HARS2: variants seen among roughly 807,000 people sequenced by gnomAD.
HARS2 encodes the protein histidyl-tRNA synthetase 2, mitochondrial.
A neutral mutation model predicts 62.4 loss-of-function variants in HARS2; 40 were observed. The observed-to-expected ratio is 0.64, with a 90% CI of 0.50 to 0.83. The LOEUF is 0.83. Among genes scored for constraint, HARS2 ranks in the 40% least tolerant of loss-of-function variants. The pLI is 0.00. For missense variants in HARS2, 569 were observed against 626.4 expected, an observed-to-expected ratio of 0.91 and a Z score of 0.98; for synonymous variants, 228 against 227.0, an observed-to-expected ratio of 1.00 and a Z score of -0.04.
At chr5:140,691,846 C>G in intron 1 of HARS2, 90 bp downstream of exon 1, 1 of 935,272 alleles carries the variant, frequency 1.1e-6, no homozygotes, top group Non-Finnish European at 1.7e-6. Context: ...AGTAGTGTTA[C>G]AATCGGTTTT....
At chr5:140,695,870 G>T (rs745826829) in intron 6 of HARS2, 25 bp downstream of exon 6, 1 of 1,527,164 alleles carries the variant, frequency 6.5e-7, no homozygotes, top group South Asian at 1.1e-5. Flanking sequence ...GAGAACTGTG[G>T]GAGAAGTCTG....
chr5:140,692,825 G>A (rs1262208634), intron 1 of HARS2, among the ~76,000 whole-genome samples: 4 of 151,868 alleles, frequency 2.6e-5, no homozygotes, highest in Non-Finnish European at 4.4e-5. Context: ...CCCGGGAGGC[G>A]GAGGTTGCAG....
At chr5:140,697,853 C>T in intron 11 of HARS2, 79 bp from the exon 12 acceptor site, 7 of 1,491,202 alleles carry the variant, frequency 4.7e-6, no homozygotes, top group Non-Finnish European at 5.6e-6. Flanking sequence ...TTATCTCTGG[C>T]TTTCTTGGAT....
rs1308818207 is a variant in HARS2, at chr5:140,691,660, C to G, written c.12C>G (p.Leu4=). 1.9e-6 allele frequency: 3 copies of G among 1,550,166 alleles called. No homozygotes were observed. Among genetic ancestry groups the G allele is most frequent in the Non-Finnish European group, 1.7e-6 (2 of 1,146,232 alleles). Reference sequence around the variant, plus strand: ...CGTCCTGCCGCGCGATGCCCCTGCTCGGACTTCTTCCCAGGAGGGCCTGGG... The same window carrying G: ...CGTCCTGCCGCGCGATGCCCCTGCTGGGACTTCTTCCCAGGAGGGCCTGGG... The part of the protein sequence containing the change: MPL[L]GLLPRRAWAS... Residue 4 remains leucine, a synonymous_variant, in exon 1 of 13, where the codon CTC becomes CTG. Coordinates refer to ENST00000230771, the MANE Select transcript of HARS2 (RefSeq NM_012208.4).
chr5:140,698,773 A>T lies in HARS2; in HGVS notation c.*221A>T. ...GCATGGGTGCAGATGGCTGGATGTGAAAGAGACATGCTCTAGCTGCAGAGG... is the reference window on the plus strand; with the variant it reads ...GCATGGGTGCAGATGGCTGGATGTGTAAGAGACATGCTCTAGCTGCAGAGG... On this transcript the variant is annotated 3_prime_UTR_variant, in exon 13 of 13. Transcript: ENST00000230771. The T allele has an allele frequency of 1.7e-6, 1 of 597,954 alleles. No individual in the cohort carries two copies. The allele number at this position is 597,954 out of a possible 1,614,324, so 37.0% of individuals were successfully genotyped here.
At chr5:140,693,753 C>G (rs1258557435) in intron 2 of HARS2, 88 bp downstream of exon 2, 1 of 1,280,926 alleles carries the variant, frequency 7.8e-7, no homozygotes, top group South Asian at 1.2e-5. Context: ...TTTTAATGTT[C>G]TTTACAGTAA....
chr5:140,694,804 G>A (rs915956157), intron 4 of HARS2, among the ~76,000 whole-genome samples: 11 of 152,208 alleles, frequency 7.2e-5, no homozygotes, highest in African/African-American at 2.7e-4. Context: ...AAGTTAGCTG[G>A]CTGTGGTGGC....
rs530630887 is a variant in HARS2 at position 140,697,024 on chromosome 5, T to C, written c.908T>C (p.Leu303Pro). ...NKQALEGLGD[L>P]KLLFEYLTLF... ...CAGGCCCTGGAGGGCCTGGGAGACCTAAAGCTGCTATTTGAATACCTGACT... is the reference window on the plus strand; with the variant it reads ...CAGGCCCTGGAGGGCCTGGGAGACCCAAAGCTGCTATTTGAATACCTGACT... Residue 303 changes from leucine (L) to proline (P), a missense_variant, in exon 9 of 13, where the codon CTA becomes CCA. Leu to Pro is a moderately conservative substitution (Grantham distance 98). Coordinates refer to ENST00000230771, the MANE Select transcript of HARS2 (RefSeq NM_012208.4). 1.2e-6 allele frequency: 2 copies of C among 1,614,166 alleles called. No individual in the cohort carries two copies. The highest frequency in any genetic ancestry group is 4.5e-5 in the East Asian group (2 of 44,892).
At chr5:140,695,477 G>T in intron 4 of HARS2, 31 bp from the exon 5 acceptor site, 1 of 1,613,382 alleles carries the variant, frequency 6.2e-7, no homozygotes, top group Non-Finnish European at 8.5e-7. Context: ...TTTGGATGCA[G>T]TATCCCTCTT....
chr5:140,696,828 CTTTTTTTTTT>C, intron 8 of HARS2, 105 bp from the exon 9 acceptor site: 3 of 656,002 alleles, frequency 4.6e-6, no homozygotes, highest in Middle Eastern at 4.7e-4. Flanking sequence ...AGACTGGGAT[CTTTTTTTTTT>C]TTTTTTTTTT....
chr5:140,695,546 G>A lies in HARS2; in HGVS notation c.438G>A (p.Lys146=). ...FARYLAMNKV[K]KMKRYHVGKV... is the part of the protein sequence containing the mutation. ...GTTATCTGGCCATGAATAAGGTGAA[G>A]AAGATGAAACGTTATCATGTTGGAA... Residue 146 remains lysine (K), a synonymous_variant, in exon 5 of 13, where the codon AAG becomes AAA. Coordinates refer to ENST00000230771, the MANE Select transcript of HARS2 (RefSeq NM_012208.4). The A allele has an allele frequency of 6.2e-7, 1 of 1,614,182 alleles. No individual in the cohort carries two copies. The highest frequency in any genetic ancestry group is 8.5e-7 in the Non-Finnish European group (1 of 1,180,016).
chr5:140,697,345 C>T lies in HARS2; in HGVS notation c.1136C>T (p.Pro379Leu), dbSNP rs775956020. ...TTTGACCCCAAGGGCCACAAGGTGC[C>T]ATGTGTGGGACTCAGCATTGGGGTT... ...GMFDPKGHKV[P>L]CVGLSIGVER... Residue 379 changes from proline (P) to leucine (L), a missense_variant, in exon 10 of 13, where the codon CCA becomes CTA. Transcript: ENST00000230771. 3 of 1,613,986 alleles carry T rather than the reference C, an allele frequency of 1.9e-6. No individual in the cohort carries two copies. The highest frequency in any genetic ancestry group is 2.5e-6 in the Non-Finnish European group (3 of 1,180,024).
Position 140,693,965 on chromosome 5 carries a change from G to A in HARS2, c.214G>A (p.Val72Ile), listed in dbSNP as rs1470721315. 6.2e-7 allele frequency: 1 copy of A among 1,613,756 alleles called. No individual in the cohort carries two copies. The highest frequency in any genetic ancestry group is 8.5e-7 in the Non-Finnish European group (1 of 1,179,796). The change falls in exon 3 of 13, where the codon GTT (valine) becomes ATT (isoleucine). Residue 72 changes from valine to isoleucine, a missense_variant. Coordinates refer to ENST00000230771, the MANE Select transcript of HARS2 (RefSeq NM_012208.4). ...GTRDLSPQHM[V>I]VREKILDLVI... is the part of the protein sequence containing the mutation. ...CAGGGATCTTAGTCCTCAGCATATGGTTGTGAGGGAGAAAATTCTTGATTT... is the reference window on the plus strand; with the variant it reads ...CAGGGATCTTAGTCCTCAGCATATGATTGTGAGGGAGAAAATTCTTGATTT...
At position 140,691,774 on chromosome 5, in the gene HARS2, A is replaced by C; in HGVS notation, c.108+18A>C. On this transcript the variant is annotated intron_variant, in intron 1 of 12. Coordinates refer to ENST00000230771, the MANE Select transcript of HARS2 (RefSeq NM_012208.4). ...AAAGCCAGGTGAGCGAGACAGAATT[A>C]TCTCTGGTCTGTCCCAGCAGGGTCT... 4.7e-6 allele frequency: 7 copies of C among 1,495,638 alleles called. No individual in the cohort carries two copies. The highest frequency in any genetic ancestry group is 6.4e-6 in the Non-Finnish European group (7 of 1,096,522). The allele number at this position is 1,495,638 out of a possible 1,614,324, so 92.6% of individuals were successfully genotyped here. A position where few individuals can be genotyped will look rare whatever the true frequency, so the allele number is the denominator to read the frequency against.
Position 140,691,648 on chromosome 5 carries a change from G to T in HARS2, c.-1G>T. The T allele has an allele frequency of 6.5e-7, 1 of 1,546,518 alleles. No individual in the cohort carries two copies. Among genetic ancestry groups the T allele is most frequent in the Non-Finnish European group, 8.7e-7 (1 of 1,143,082 alleles). ...CCGGAAAGCCGGCGTCCTGCCGCGC[G>T]ATGCCCCTGCTCGGACTTCTTCCCA... On this transcript the variant is annotated 5_prime_UTR_variant, in exon 1 of 13. Transcript: ENST00000230771.
rs1224117995 is a variant in HARS2, at chr5:140,691,598, C to G, written c.-51C>G. 8.1e-7 allele frequency: 1 copy of G among 1,233,518 alleles called. No homozygotes were observed. Among genetic ancestry groups the G allele is most frequent in the East Asian group, 2.5e-5 (1 of 39,506 alleles). 76.4% of individuals were successfully genotyped at this position (1,233,518 alleles called of 1,614,324 possible). On this transcript the variant is annotated 5_prime_UTR_variant, in exon 1 of 13. Coordinates refer to ENST00000230771, the MANE Select transcript of HARS2 (RefSeq NM_012208.4). ...ACCCTTCCTGGTGTCTGACCCGCCTCCTTCCCAGGCCTTTTGTTCCTGTCC... is the reference window on the plus strand; with the variant it reads ...ACCCTTCCTGGTGTCTGACCCGCCTGCTTCCCAGGCCTTTTGTTCCTGTCC...
At position 140,691,587 on chromosome 5, in the gene HARS2, C is replaced by T; in HGVS notation, c.-62C>T. On this transcript the variant is annotated 5_prime_UTR_variant, in exon 1 of 13. Transcript: ENST00000230771. ...CAGTGCCCTCCACCCTTCCTGGTGTCTGACCCGCCTCCTTCCCAGGCCTTT... is the reference window on the plus strand; with the variant it reads ...CAGTGCCCTCCACCCTTCCTGGTGTTTGACCCGCCTCCTTCCCAGGCCTTT... 1 of 1,137,458 alleles carries T rather than the reference C, an allele frequency of 8.8e-7. No individual in the cohort carries two copies. The highest frequency in any genetic ancestry group is 2.6e-5 in the East Asian group (1 of 39,136). The allele number at this position is 1,137,458 out of a possible 1,614,324, so 70.5% of individuals were successfully genotyped here. A position where few individuals can be genotyped will look rare whatever the true frequency, so the allele number is the denominator to read the frequency against.
At chr5:140,693,177 C>G (rs1759596281) in intron 1 of HARS2, among the ~76,000 whole-genome samples, 1 of 151,452 alleles carries the variant, frequency 6.6e-6, no homozygotes, top group Non-Finnish European at 1.5e-5. Context: ...ACTAAAAATA[C>G]AAAAATTAGC....
Position 140,697,656 on chromosome 5 carries a change from A to G in HARS2, c.1285A>G (p.Ile429Val). The change falls in exon 11 of 13, where the codon ATT becomes GTT. Residue 429 changes from isoleucine to valine, a missense_variant. Coordinates refer to ENST00000230771, the MANE Select transcript of HARS2 (RefSeq NM_012208.4). ...CTTTCTCCAAGAACGGTTGAAGCTT[A>G]TTGCAGAGCTTTGGGATTCTGGAAT... Reference protein sequence around the residue: ...KNFLQERLKLIAELWDSGIKA... With the variant: ...KNFLQERLKLVAELWDSGIKA... The G allele has an allele frequency of 1.9e-6, 3 of 1,613,216 alleles. No homozygotes were observed. Among genetic ancestry groups the G allele is most frequent in the Non-Finnish European group, 2.5e-6 (3 of 1,179,160 alleles).
Sources: allele counts gnomAD v4.1 joint callset (sites outside exome capture counted in the v4.1 genomes callset), GRCh38; gene constraint gnomAD v4.1.1; transcripts MANE v1.5; gene names NCBI Gene and HGNC (gene_info 2026-07-23, HGNC 2026-07-21).